The following FRYL variants were observed in gnomAD, a reference collection of about 807,000 sequenced individuals.
FRYL encodes protein furry homolog-like.
Under a neutral mutation model 351.2 loss-of-function variants are expected in FRYL, and 150 were observed. The ratio of observed to expected loss-of-function variants is 0.43; its 90% CI spans 0.37 to 0.49. The LOEUF is 0.49. Among genes scored for constraint, FRYL ranks in the 20% least tolerant of loss-of-function variants. The pLI, the probability that FRYL is intolerant of heterozygous loss-of-function variation, is 0.00. For synonymous variants in FRYL, 1,153 were observed against 1,257.1 expected, an observed-to-expected ratio of 0.92 and a Z score of 1.75; for missense variants, 3,036 against 3,619.3, an observed-to-expected ratio of 0.84 and a Z score of 4.13.
intron 55 of FRYL, among the ~76,000 whole-genome samples, chr4:48,520,236 A>C (rs986206849): frequency 3.3e-5 from 5 of 152,208 alleles, no homozygotes; most frequent in African/African-American, 1.2e-4. Context: ...TGGCTTGCTA[A>C]TAAGGAAGCC....
intron 23 of FRYL, among the ~76,000 whole-genome samples, chr4:48,578,662 A>G (rs1259525321): frequency 6.6e-6 from 1 of 152,182 alleles, no homozygotes; most frequent in Non-Finnish European, 1.5e-5. Context: ...GTCTACATCC[A>G]TACTCATCCT....
At chr4:48,774,553 T>C (rs1775822974) in intron 1 of FRYL, among the ~76,000 whole-genome samples, 1 of 152,078 alleles carries the variant, frequency 6.6e-6, no homozygotes, top group Non-Finnish European at 1.5e-5. Context: ...ATAATTTTTT[T>C]TTTTTTTTTG....
chr4:48,671,858 C>CAAAAACAAAAAAAAAA (rs1762754565), intron 3 of FRYL, among the ~76,000 whole-genome samples: 1 of 22,402 alleles, frequency 4.5e-5, no homozygotes, highest in Non-Finnish European at 8.9e-5. Flanking sequence ...GTCTCAAAAA[C>CAAAAACAAAAAAAAAA]AAAAAAAAAA....
chr4:48,618,111 A>C (rs1182626444), intron 7 of FRYL: 1 of 152,154 alleles, frequency 6.6e-6, no homozygotes, highest in African/African-American at 2.4e-5. Context: ...TCTCAGTTAA[A>C]CCAAGAGATC....
At chr4:48,623,094 G>A (rs763903825) in intron 5 of FRYL, 32 bp downstream of exon 5, 1 of 1,470,664 alleles carries the variant, frequency 6.8e-7, no homozygotes, top group Non-Finnish European at 9.3e-7. Context: ...CTATTTCCAG[G>A]GGAAAAAAAA....
At position 48,499,643 on chromosome 4, in the gene FRYL, C is replaced by T; in HGVS notation, c.8821G>A (p.Asp2941Asn). ...TGTAACAGTGTCTGTACAGGGTCATCTTCACAACTGCCAAAGATATCACTG... is the reference window on the plus strand; with the variant it reads ...TGTAACAGTGTCTGTACAGGGTCATTTTCACAACTGCCAAAGATATCACTG... ...WPSDIFGSCE[D>N]DPVQTLLHIY... The change falls in exon 64 of 64, where the codon GAT becomes AAT. Residue 2941 changes from aspartate (D) to asparagine (N), a missense_variant. Asp to Asn is a conservative substitution (Grantham distance 23). This residue lies in a region of FRYL where 1,987 missense variants were observed against 2,311.7 expected (regional missense o/e 0.86). Transcript: ENST00000358350. 6.2e-7 allele frequency: 1 copy of T among 1,614,034 alleles called. No individual in the cohort carries two copies. The highest frequency in any genetic ancestry group is 8.5e-7 in the Non-Finnish European group (1 of 1,179,904).
At chr4:48,584,800 C>T (rs1449792496) in intron 19 of FRYL, among the ~76,000 whole-genome samples, 1 of 152,120 alleles carries the variant, frequency 6.6e-6, no homozygotes, top group Non-Finnish European at 1.5e-5. Flanking sequence ...TACAATGCAC[C>T]TTTGTTTTGT....
At chr4:48,652,914 TA>T (rs1436885181) in intron 3 of FRYL, among the ~76,000 whole-genome samples, 3 of 152,218 alleles carry the variant, frequency 2.0e-5, no homozygotes, top group Non-Finnish European at 2.9e-5. Flanking sequence ...AATTTTTCTA[TA>T]CTTCAATTTT....
At chr4:48,581,034 C>G in intron 21 of FRYL, 83 bp from the exon 22 acceptor site, 1 of 749,536 alleles carries the variant, frequency 1.3e-6, no homozygotes, top group African/African-American at 1.8e-5. Flanking sequence ...TAAAAATTCA[C>G]TTCAGCACTA....
At chr4:48,521,545 T>C (rs1465688413) in intron 54 of FRYL, among the ~76,000 whole-genome samples, 1 of 152,258 alleles carries the variant, frequency 6.6e-6, no homozygotes, top group Non-Finnish European at 1.5e-5. Flanking sequence ...CGAAGATTTA[T>C]GTGGCACGGT....
chr4:48,579,268 T>C lies in FRYL; in HGVS notation c.2260-27A>G, dbSNP rs78710838. 5.8e-3 allele frequency: 8,993 copies of C among 1,546,408 alleles called. 458 individuals are homozygous for C. The African/African-American group carries it at 0.11, about 19-fold the overall frequency. On this transcript the variant is annotated intron_variant, in intron 22 of 63. Coordinates refer to ENST00000358350, the MANE Select transcript of FRYL (RefSeq NM_015030.2). ...TATATGGAGAGGAAAAAATTGATTA[T>C]TACACATTTCAATAACTTTGAAATT...
chr4:48,764,014 T>C (rs190919174), intron 1 of FRYL, among the ~76,000 whole-genome samples: 79 of 151,838 alleles, frequency 5.2e-4, no homozygotes, highest in Admixed American at 4.7e-3. Flanking sequence ...ACTAAAAATA[T>C]AAAAATTAAG....
intron 1 of FRYL, among the ~76,000 whole-genome samples, chr4:48,774,702 C>T (rs1351800063): frequency 1.3e-5 from 2 of 152,082 alleles, no homozygotes. Context: ...TGTGCCACCA[C>T]ACCCGGCTAA....
chr4:48,544,144 A>C, intron 43 of FRYL, 147 bp from the exon 44 acceptor site: 1 of 651,318 alleles, frequency 1.5e-6, no homozygotes, highest in Non-Finnish European at 2.6e-6. Flanking sequence ...CTTTGCTTAA[A>C]CTCCATTTGC....
intron 59 of FRYL, among the ~76,000 whole-genome samples, chr4:48,507,532 A>AGTT (rs1721414146): frequency 3.1e-5 from 2 of 65,306 alleles, no homozygotes; most frequent in East Asian, 4.0e-4. Context: ...TCACTCAAAC[A>AGTT]AACAGTTAGT....
intron 33 of FRYL, among the ~76,000 whole-genome samples, chr4:48,558,583 A>G (rs1429138010): frequency 3.3e-5 from 5 of 152,238 alleles, no homozygotes; most frequent in Non-Finnish European, 7.3e-5. Context: ...TAAGATGGCA[A>G]ATTTTATGCT....
At chr4:48,611,475 T>C (rs771848682) in intron 7 of FRYL, among the ~76,000 whole-genome samples, 69 of 152,088 alleles carry the variant, frequency 4.5e-4, no homozygotes, top group Non-Finnish European at 1.8e-4. Context: ...TTTTGAGCTC[T>C]CCATTTTGTT....
chr4:48,574,998 C>A, intron 25 of FRYL, 119 bp downstream of exon 25: 1 of 749,076 alleles, frequency 1.3e-6, no homozygotes. Flanking sequence ...GAAAGTCAGG[C>A]CTGGTATGCG....
chr4:48,560,290 T>C (rs1016347963), intron 33 of FRYL, among the ~76,000 whole-genome samples: 7 of 152,222 alleles, frequency 4.6e-5, no homozygotes, highest in Non-Finnish European at 8.8e-5. Flanking sequence ...TGTCTTGCCT[T>C]AGAAACAGTG....
Sources: gnomAD v4.1 joint callset for allele counts (sites outside exome capture counted in the v4.1 genomes callset) on GRCh38, gnomAD v4.1.1 for gene constraint, gnomAD v4.1.1 regional missense constraint, MANE v1.5 for transcripts, NCBI Gene and HGNC (gene_info 2026-07-23, HGNC 2026-07-21) for gene names.